The following TPD52 variants were observed in gnomAD, a reference collection of about 807,000 sequenced individuals.
TPD52 encodes tumor protein D52.
In TPD52, 17 loss-of-function variants were observed where a neutral mutation model predicts 31.3. That is an observed-to-expected ratio of 0.54 (90% CI 0.37 to 0.82). The LOEUF is 0.82. Among genes scored for constraint, TPD52 ranks in the 40% least tolerant of loss-of-function variants. TPD52 has a pLI of 0.00. For synonymous variants in TPD52, 83 were observed against 89.6 expected (o/e 0.93, Z 0.42); for missense variants, 212 against 240.1 (o/e 0.88, Z 0.77).
chr8:80,133,391 T>C (rs1430310110), intron 1 of TPD52, among the ~76,000 whole-genome samples: 1 of 152,120 alleles, frequency 6.6e-6, no homozygotes. Context: ...ATTCCATGTT[T>C]AGCTGTCTGG....
intron 1 of TPD52, among the ~76,000 whole-genome samples, chr8:80,145,461 G>A (rs1449364569): frequency 6.6e-6 from 1 of 152,240 alleles, no homozygotes; most frequent in Non-Finnish European, 1.5e-5. Context: ...CAGCCGAAAT[G>A]CAAGAACACC....
At chr8:80,158,301 A>AC (rs1309681432) in intron 1 of TPD52, 2 of 127,078 alleles carry the variant, frequency 1.6e-5, no homozygotes, top group East Asian at 4.3e-4. Flanking sequence ...CCTCAACTCC[A>AC]CCCCCCACCC....
At chr8:80,102,738 G>A (rs1360019401) in intron 1 of TPD52, among the ~76,000 whole-genome samples, 1 of 152,156 alleles carries the variant, frequency 6.6e-6, no homozygotes, top group Non-Finnish European at 1.5e-5. Context: ...TTCCTAGATA[G>A]CCTCAAGATG....
chr8:80,067,542 T>A (rs68076766), intron 1 of TPD52, among the ~76,000 whole-genome samples: 80,875 of 151,814 alleles, frequency 0.53, 22,473 homozygotes, highest in East Asian at 0.7. Flanking sequence ...GCAACACTTC[T>A]GTGAGGTGGG....
At chr8:80,068,158 C>T (rs1813373215) in intron 1 of TPD52, among the ~76,000 whole-genome samples, 2 of 151,776 alleles carry the variant, frequency 1.3e-5, no homozygotes, top group South Asian at 4.1e-4. Flanking sequence ...ACTACACCAG[C>T]CACTGTGAGG....
intron 1 of TPD52, among the ~76,000 whole-genome samples, chr8:80,114,991 T>C (rs1293192392): frequency 6.6e-6 from 1 of 152,248 alleles, no homozygotes; most frequent in African/African-American, 2.4e-5. Flanking sequence ...TGGTCTGGGA[T>C]TTGAGGTACA....
chr8:80,108,149 A>G (rs1807259919), intron 1 of TPD52, among the ~76,000 whole-genome samples: 1 of 152,106 alleles, frequency 6.6e-6, no homozygotes, highest in Non-Finnish European at 1.5e-5. Flanking sequence ...TGCATTTGTT[A>G]TTTTTCAAAT....
chr8:80,070,542 A>G (rs1813659400), intron 1 of TPD52, among the ~76,000 whole-genome samples: 1 of 152,116 alleles, frequency 6.6e-6, no homozygotes, highest in South Asian at 2.1e-4. Context: ...TGTGTGGTTC[A>G]CAATAGGGTT....
At chr8:80,107,471 C>A (rs1037137264) in intron 1 of TPD52, among the ~76,000 whole-genome samples, 1 of 152,158 alleles carries the variant, frequency 6.6e-6, no homozygotes, top group Admixed American at 6.5e-5. Flanking sequence ...GTAATTATAG[C>A]AACTGCGGAG....
intron 5 of TPD52, among the ~76,000 whole-genome samples, chr8:80,046,376 A>G (rs1208752065): frequency 6.6e-6 from 1 of 152,204 alleles, no homozygotes; most frequent in African/African-American, 2.4e-5. Flanking sequence ...CTTCAATTCT[A>G]TCTGGTTGCT....
In TPD52 at chr8:80,171,486, T is replaced by C; in HGVS notation, c.-43A>G. 1 of 1,553,208 alleles carries C rather than the reference T, an allele frequency of 6.4e-7. No homozygotes were observed. The highest frequency in any genetic ancestry group is 8.6e-7 in the Non-Finnish European group (1 of 1,162,086). On this transcript the variant is annotated 5_prime_UTR_variant, in exon 1 of 8. Transcript: ENST00000518937. ...TCGTGTCCTCTGCAGCACCCCCGCC[T>C]GCAGCCCGTCCCGGCTCGGATCGCC...
chr8:80,109,568 G>A (rs530717800), intron 1 of TPD52, among the ~76,000 whole-genome samples: 9 of 152,006 alleles, frequency 5.9e-5, no homozygotes, highest in Non-Finnish European at 1.3e-4. Flanking sequence ...CACCATGCCT[G>A]GCTAATTTTT....
intron 1 of TPD52, among the ~76,000 whole-genome samples, chr8:80,065,046 G>C (rs529384664): frequency 1.3e-5 from 2 of 152,180 alleles, no homozygotes; most frequent in Non-Finnish European, 2.9e-5. Context: ...CTCAGTAAAG[G>C]AGTAACCACT....
intron 4 of TPD52, 142 bp from the exon 5 acceptor site, chr8:80,050,613 C>T (rs1811273469): frequency 1.5e-6 from 1 of 684,142 alleles, no homozygotes; most frequent in East Asian, 2.8e-5. Context: ...AGAAAATGAA[C>T]ACCTAATAGA....
chr8:80,160,745 G>A (rs1389308891), intron 1 of TPD52, among the ~76,000 whole-genome samples: 1 of 152,040 alleles, frequency 6.6e-6, no homozygotes, highest in African/African-American at 2.4e-5. Flanking sequence ...GAATGCATTA[G>A]AAGTAAATAA....
intron 2 of TPD52, among the ~76,000 whole-genome samples, chr8:80,056,911 G>A (rs994726708): frequency 3.6e-4 from 55 of 152,322 alleles, no homozygotes; most frequent in African/African-American, 1.2e-3. Context: ...GCTCACGGCT[G>A]TAATCCCAGC....
intron 1 of TPD52, among the ~76,000 whole-genome samples, chr8:80,155,916 T>C (rs1018774995): frequency 2.7e-5 from 4 of 148,064 alleles, no homozygotes; most frequent in African/African-American, 7.5e-5. Flanking sequence ...GAAAAGAAAA[T>C]ATAGAAAGAA....
At chr8:80,120,437 T>C (rs758793291) in intron 1 of TPD52, among the ~76,000 whole-genome samples, 4 of 151,780 alleles carry the variant, frequency 2.6e-5, no homozygotes, top group Non-Finnish European at 5.9e-5. Flanking sequence ...TGCAGTGAGC[T>C]GCCACGGCAC....
At chr8:80,155,265 T>G (rs1326323898) in intron 1 of TPD52, among the ~76,000 whole-genome samples, 1 of 152,232 alleles carries the variant, frequency 6.6e-6, no homozygotes, top group African/African-American at 2.4e-5. Flanking sequence ...CTCCACTGAC[T>G]GGCCGTTCCT....
Sources: gnomAD v4.1 joint callset for allele counts (sites outside exome capture counted in the v4.1 genomes callset) on GRCh38, gnomAD v4.1.1 for gene constraint, MANE v1.5 for transcripts, NCBI Gene and HGNC (gene_info 2026-07-23, HGNC 2026-07-21) for gene names.